The following PTPRD variants were observed in gnomAD, a reference collection of about 807,000 sequenced individuals.
PTPRD encodes protein tyrosine phosphatase receptor type D.
PTPRD carries 34 observed loss-of-function variants against 214.5 expected under a neutral mutation model. That is an observed-to-expected ratio of 0.16 (90% CI 0.12 to 0.21). PTPRD has a LOEUF of 0.21. PTPRD is among the 10% of genes least tolerant of loss of function. The probability of loss-of-function intolerance (pLI) is 1.00; values close to 1 mark genes in which losing one functional copy is unlikely to be tolerated. For synonymous variants in PTPRD, 1,128 were observed against 845.7 expected, an observed-to-expected ratio of 1.33 and a Z score of -5.79; for missense variants, 2,545 against 2,398.7, an observed-to-expected ratio of 1.06 and a Z score of -1.27.
chr9:9,776,323 T>C (rs1426460585), intron 5 of PTPRD, among the ~76,000 whole-genome samples: 1 of 152,198 alleles, frequency 6.6e-6, no homozygotes, highest in Non-Finnish European at 1.5e-5. Context: ...TTTATCCTAG[T>C]CTTAGTTGTA....
intron 11 of PTPRD, chr9:8,860,758 G>T (rs1402538908): frequency 6.6e-6 from 1 of 152,172 alleles, no homozygotes; most frequent in Non-Finnish European, 1.5e-5. Context: ...CTAATCTTTT[G>T]TTGAAATTAC....
chr9:9,747,356 T>A (rs1428127917), intron 6 of PTPRD, among the ~76,000 whole-genome samples: 2 of 151,996 alleles, frequency 1.3e-5, no homozygotes, highest in Non-Finnish European at 2.9e-5. Context: ...ATTTCTAGAG[T>A]TCATGGCAGC....
chr9:10,164,340 A>T (rs887467626), intron 3 of PTPRD, among the ~76,000 whole-genome samples: 5 of 151,596 alleles, frequency 3.3e-5, no homozygotes, highest in African/African-American at 1.2e-4. Flanking sequence ...TTAGCTATTT[A>T]TTATTTCAGT....
chr9:9,290,589 T>C (rs1950842608), intron 9 of PTPRD, among the ~76,000 whole-genome samples: 1 of 151,564 alleles, frequency 6.6e-6, no homozygotes. Flanking sequence ...TAGCCATTTA[T>C]TAATAACATA....
intron 14 of PTPRD, among the ~76,000 whole-genome samples, chr9:8,585,814 C>T (rs2093610425): frequency 6.6e-6 from 1 of 152,146 alleles, no homozygotes; most frequent in Admixed American, 6.5e-5. Flanking sequence ...TTTCATTACA[C>T]CTTTTAAAAG....
chr9:9,490,171 A>C (rs2095838989), intron 8 of PTPRD, among the ~76,000 whole-genome samples: 1 of 152,100 alleles, frequency 6.6e-6, no homozygotes, highest in South Asian at 2.1e-4. Context: ...CATCCTTCAA[A>C]ACTCAGGAAG....
rs899080357 is a variant in PTPRD, at chr9:9,641,983, T to C, written c.-286-67202A>G. ...ATGCACACGTATGTTTATTGCGGCA[T>C]TATTCACAATAGCAAAGACTTGGAA... is the stretch of plus-strand genomic sequence containing the variant. On this transcript the variant is annotated intron_variant, in intron 7 of 45. Coordinates refer to ENST00000381196, the MANE Select transcript of PTPRD (RefSeq NM_002839.4). Among the ~76,000 whole-genome samples the C allele has an allele frequency of 4.6e-5, 7 of 151,720 alleles. No individual in the cohort carries two copies. The East Asian group carries it at 5.8e-4, about 13-fold the overall frequency.
chr9:8,626,789 G>C (rs996247643), intron 14 of PTPRD, among the ~76,000 whole-genome samples: 1 of 151,662 alleles, frequency 6.6e-6, no homozygotes, highest in African/African-American at 2.4e-5. Flanking sequence ...TTGCCAGCCT[G>C]TGGACTAGAA....
intron 10 of PTPRD, among the ~76,000 whole-genome samples, chr9:9,033,690 C>T (rs975896271): frequency 2.0e-5 from 3 of 152,070 alleles, no homozygotes; most frequent in Non-Finnish European, 4.4e-5. Context: ...CCTTCTCTTT[C>T]TCTGTCTCTC....
At chr9:10,264,744 G>C (rs2093936572) in intron 3 of PTPRD, among the ~76,000 whole-genome samples, 1 of 152,062 alleles carries the variant, frequency 6.6e-6, no homozygotes, top group Non-Finnish European at 1.5e-5. Flanking sequence ...TGAAATCTGA[G>C]GACACGAGAT....
intron 11 of PTPRD, among the ~76,000 whole-genome samples, chr9:8,937,913 A>C (rs962066505): frequency 2.6e-5 from 4 of 152,178 alleles, no homozygotes; most frequent in Non-Finnish European, 5.9e-5. Context: ...GTCAATATGC[A>C]ATCTGCTTTT....
rs531524354 is a variant in PTPRD at position 9,212,026 on chromosome 9, G to A, written c.-202-28663C>T. ...ACATTTTTGTTTCTTGAATATACTC[G>A]TCAATTCTGATTCTTTATAAGAACA... On this transcript the variant is annotated intron_variant, in intron 9 of 45. Transcript: ENST00000381196. 1.1e-4 allele frequency among the ~76,000 whole-genome samples: 16 copies of A among 151,720 alleles called. No individual in the cohort carries two copies. In the East Asian group the frequency reaches 2.9e-3, roughly 28 times the overall value.
At chr9:10,515,238 C>T (rs1165388599) in intron 2 of PTPRD, among the ~76,000 whole-genome samples, 5 of 152,038 alleles carry the variant, frequency 3.3e-5, no homozygotes, top group African/African-American at 1.2e-4. Context: ...ATGTATTCTT[C>T]TCAGACACCA....
chr9:8,319,461 G>T (rs979817889), intron 45 of PTPRD, among the ~76,000 whole-genome samples: 3 of 151,890 alleles, frequency 2.0e-5, no homozygotes, highest in Non-Finnish European at 2.9e-5. Flanking sequence ...GAATGGAGAA[G>T]TTAAATGGGC....
At chr9:9,104,370 A>C (rs550971494) in intron 10 of PTPRD, among the ~76,000 whole-genome samples, 12 of 152,334 alleles carry the variant, frequency 7.9e-5, no homozygotes, top group African/African-American at 2.9e-4. Flanking sequence ...CTCTATAAAA[A>C]CAGATAAGGT....
intron 3 of PTPRD, among the ~76,000 whole-genome samples, chr9:10,091,398 C>A (rs1307756508): frequency 2.0e-5 from 3 of 151,340 alleles, no homozygotes; most frequent in South Asian, 2.1e-4. Flanking sequence ...ACTGAACTAT[C>A]CAGTACTGAA....
At chr9:8,493,444 C>T (rs1476636645) in intron 26 of PTPRD, among the ~76,000 whole-genome samples, 1 of 152,162 alleles carries the variant, frequency 6.6e-6, no homozygotes, top group East Asian at 1.9e-4. Context: ...AACAGCTCTC[C>T]ACACATATCC....
rs1413989131 is a variant in PTPRD at position 8,375,999 on chromosome 9, G to A, written c.4598C>T (p.Ala1533Val). ...ACAGGTTTTGACTCTACGTAAGAAA[G>A]CTAGAAAAGGTGTAGGGTGTTCTGG... ...GVPEHPTPFL[A>V]FLRRVKTCNP... Residue 1533 changes from alanine to valine, a missense_variant, in exon 39 of 46, where the codon GCT becomes GTT. Coordinates refer to ENST00000381196, the MANE Select transcript of PTPRD (RefSeq NM_002839.4). 6.2e-7 allele frequency: 1 copy of A among 1,612,980 alleles called. No individual in the cohort carries two copies. The highest frequency in any genetic ancestry group is 8.5e-7 in the Non-Finnish European group (1 of 1,179,270).
At chr9:10,346,945 G>A (rs933598097) in intron 2 of PTPRD, among the ~76,000 whole-genome samples, 1 of 152,076 alleles carries the variant, frequency 6.6e-6, no homozygotes, top group Admixed American at 6.6e-5. Context: ...ATAGTTTTAT[G>A]AGCTGCATAA....
Sources: allele counts gnomAD v4.1 joint callset (sites outside exome capture counted in the v4.1 genomes callset), GRCh38; gene constraint gnomAD v4.1.1; transcripts MANE v1.5; gene names NCBI Gene and HGNC (gene_info 2026-07-23, HGNC 2026-07-21).